The following PUS10 variants were observed in gnomAD, a reference collection of about 807,000 sequenced individuals.
PUS10 encodes pseudouridine synthase 10.
A neutral mutation model predicts 75.0 loss-of-function variants in PUS10; 59 were observed. The ratio of observed to expected loss-of-function variants is 0.79; its 90% CI spans 0.64 to 0.98. The LOEUF (loss-of-function observed/expected upper bound fraction) is 0.98, where lower values mean the gene tolerates loss of function less well. Ranked by LOEUF, PUS10 falls within the 50% of genes least tolerant of loss-of-function variation. The probability of loss-of-function intolerance (pLI) is 0.00; values close to 1 mark genes in which losing one functional copy is unlikely to be tolerated. For missense variants in PUS10, 650 were observed against 614.4 expected (o/e 1.06, Z -0.61); for synonymous variants, 219 against 211.6 (o/e 1.03, Z -0.30).
intron 4 of PUS10, among the ~76,000 whole-genome samples, chr2:60,986,524 T>C (rs1677733379): frequency 1.3e-5 from 2 of 152,212 alleles, no homozygotes; most frequent in Admixed American, 1.3e-4. Context: ...AGAAACATCT[T>C]CCTAAACTTA....
chr2:60,968,664 G>A (rs1287240210), intron 5 of PUS10, among the ~76,000 whole-genome samples: 1 of 136,814 alleles, frequency 7.3e-6, no homozygotes, highest in Non-Finnish European at 1.5e-5. Flanking sequence ...TGCAAAATAA[G>A]AAATAGTTGA....
At chr2:60,974,466 T>C (rs913325359) in intron 4 of PUS10, among the ~76,000 whole-genome samples, 5 of 152,000 alleles carry the variant, frequency 3.3e-5, no homozygotes, top group South Asian at 2.1e-4. Context: ...ACCTGACAAA[T>C]GGTGGGGCTA....
At chr2:60,944,201 G>A in intron 17 of PUS10, 1 of 984,084 alleles carries the variant, frequency 1.0e-6, no homozygotes, top group Non-Finnish European at 1.2e-6. Flanking sequence ...TAGTTTCACT[G>A]AAGAGGCTCC....
chr2:61,010,830 T>A (rs1185378972), intron 2 of PUS10: 2 of 1,550,496 alleles, frequency 1.3e-6, no homozygotes. Flanking sequence ...GCTTGCTCAC[T>A]TAATAGCTGT....
chr2:61,017,123 T>C (rs1235815951), intron 1 of PUS10: 1 of 152,412 alleles, frequency 6.6e-6, no homozygotes, highest in East Asian at 1.9e-4. Flanking sequence ...TTGCACCCAG[T>C]CTGCACTCCT....
intron 7 of PUS10, 134 bp from the exon 8 acceptor site, chr2:60,965,237 C>T: frequency 9.9e-7 from 1 of 1,010,452 alleles, no homozygotes. Flanking sequence ...CCTGTATGAG[C>T]TATATCGGTT....
Position 61,008,838 on chromosome 2 carries a change from T to C in PUS10, c.304A>G (p.Lys102Glu). 1 of 1,612,440 alleles carries C rather than the reference T, an allele frequency of 6.2e-7. No homozygotes were observed. The highest frequency in any genetic ancestry group is 1.1e-5 in the South Asian group (1 of 90,808). The change falls in exon 3 of 18, where the codon AAG becomes GAG. Residue 102 changes from lysine (K) to glutamate (E), a missense_variant. Physicochemically the swap from Lys to Glu is moderately conservative, Grantham distance 56. Coordinates refer to ENST00000316752, the MANE Select transcript of PUS10 (RefSeq NM_144709.4). ...SVSHVGSTAS[K>E]NSNLNVCNVC... ...TTACATACATTTAAATTTGAGTTCT[T>C]GGAAGCAGTGCTTCCAACATGACTA...
At chr2:60,977,993 T>C (rs1181244842) in intron 4 of PUS10, among the ~76,000 whole-genome samples, 3 of 152,090 alleles carry the variant, frequency 2.0e-5, no homozygotes, top group Non-Finnish European at 4.4e-5. Flanking sequence ...ATAGTAACAG[T>C]AATGAAAATA....
intron 9 of PUS10, among the ~76,000 whole-genome samples, chr2:60,962,496 C>T (rs1055831179): frequency 6.6e-6 from 1 of 152,074 alleles, no homozygotes; most frequent in Non-Finnish European, 1.5e-5. Context: ...ATCACTAGAA[C>T]CCGAGAGGCA....
chr2:60,962,738 C>T (rs1218897424), intron 9 of PUS10, 88 bp downstream of exon 9: 2 of 1,487,264 alleles, frequency 1.3e-6, no homozygotes, highest in Non-Finnish European at 1.8e-6. Context: ...AATACATCAT[C>T]TTGTTTCAGA....
intron 4 of PUS10, 25 bp from the exon 5 acceptor site, chr2:60,971,582 G>A: frequency 6.2e-7 from 1 of 1,610,620 alleles, no homozygotes; most frequent in Non-Finnish European, 8.5e-7. Context: ...GTCACACCCA[G>A]AAAGAGAAAA....
intron 4 of PUS10, among the ~76,000 whole-genome samples, chr2:60,980,283 C>A (rs533811484): frequency 2.0e-4 from 30 of 152,280 alleles, no homozygotes; most frequent in African/African-American, 7.2e-4. Flanking sequence ...CTGAGAAGTG[C>A]AAATGTACTC....
chr2:60,977,904 T>C (rs538558842), intron 4 of PUS10, among the ~76,000 whole-genome samples: 1 of 152,286 alleles, frequency 6.6e-6, no homozygotes, highest in African/African-American at 2.4e-5. Context: ...CAATTGAGAA[T>C]GCAGAGATAA....
chr2:61,015,140 A>C (rs780108922), intron 1 of PUS10, among the ~76,000 whole-genome samples: 24 of 152,308 alleles, frequency 1.6e-4, no homozygotes, highest in Non-Finnish European at 3.1e-4. Context: ...AGGGTTGCCT[A>C]AGTAAATTTG....
intron 15 of PUS10, 73 bp from the exon 16 acceptor site, chr2:60,948,258 C>G: frequency 1.4e-6 from 2 of 1,457,534 alleles, no homozygotes; most frequent in South Asian, 1.2e-5. Flanking sequence ...TAGCCCTTCC[C>G]TCACCATCCA....
intron 2 of PUS10, chr2:61,010,560 C>T (rs567560125): frequency 2.7e-6 from 1 of 365,746 alleles, no homozygotes; most frequent in South Asian, 3.5e-5. Context: ...CCCCTGACCT[C>T]GTGATCCACC....
chr2:60,948,418 C>T (rs1221991937), intron 15 of PUS10, among the ~76,000 whole-genome samples: 2 of 152,092 alleles, frequency 1.3e-5, no homozygotes, highest in South Asian at 2.1e-4. Context: ...GATAGAGATG[C>T]GGTTTCACCA....
intron 17 of PUS10, chr2:60,944,053 G>A (rs1318421547): frequency 2.4e-5 from 4 of 165,122 alleles, no homozygotes; most frequent in East Asian, 1.9e-4. Context: ...GCTTGAGCCC[G>A]AGAGGTCAGG....
At chr2:61,006,719 A>G in intron 3 of PUS10, 76 bp from the exon 4 acceptor site, 1 of 1,160,548 alleles carries the variant, frequency 8.6e-7, no homozygotes, top group Non-Finnish European at 1.2e-6. Context: ...AATAACATGA[A>G]TTTCTGGTCC....
Sources: gnomAD v4.1 joint callset for allele counts (sites outside exome capture counted in the v4.1 genomes callset) on GRCh38, gnomAD v4.1.1 for gene constraint, MANE v1.5 for transcripts, NCBI Gene and HGNC (gene_info 2026-07-23, HGNC 2026-07-21) for gene names.